The following TAFA4 variants were observed in gnomAD, a reference collection of about 807,000 sequenced individuals.
TAFA4 encodes TAFA chemokine like family member 4.
A neutral mutation model predicts 21.1 loss-of-function variants in TAFA4; 20 were observed. The ratio of observed to expected loss-of-function variants is 0.95; its 90% CI spans 0.67 to 1.38. TAFA4 has a LOEUF of 1.38. TAFA4 is among the 40% of genes most tolerant of loss of function. TAFA4 has a pLI of 0.00. For synonymous variants in TAFA4, 71 were observed against 67.4 expected (o/e 1.05, Z -0.26); for missense variants, 211 against 180.9 (o/e 1.17, Z -0.95).
At chr3:68,926,826 G>A (rs776560337) in intron 1 of TAFA4, among the ~76,000 whole-genome samples, 4 of 152,094 alleles carry the variant, frequency 2.6e-5, no homozygotes, top group East Asian at 1.9e-4. Context: ...TGAGAGAATC[G>A]CTTGAACCTG....
intron 3 of TAFA4, among the ~76,000 whole-genome samples, chr3:68,827,918 G>T (rs1200538603): frequency 6.6e-6 from 1 of 152,136 alleles, no homozygotes; most frequent in Non-Finnish European, 1.5e-5. Context: ...GGCTTTTGTT[G>T]CCATTGCTTT....
intron 3 of TAFA4, among the ~76,000 whole-genome samples, chr3:68,767,637 CAGAA>C (rs1018411489): frequency 7.2e-5 from 11 of 151,874 alleles, no homozygotes; most frequent in African/African-American, 2.7e-4. Context: ...ATTTGGGACA[CAGAA>C]AGATGAGGGA....
chr3:68,753,353 T>TTTTTTTTA (rs1702596907), intron 3 of TAFA4, among the ~76,000 whole-genome samples: 1 of 150,122 alleles, frequency 6.7e-6, no homozygotes, highest in African/African-American at 2.5e-5. Context: ...TTTTTTTTTT[T>TTTTTTTTA]GAGAGAGAAT....
intron 5 of TAFA4, among the ~76,000 whole-genome samples, chr3:68,735,663 C>T (rs1702229241): frequency 6.6e-6 from 1 of 151,954 alleles, no homozygotes; most frequent in Non-Finnish European, 1.5e-5. Context: ...GAGGAAGATA[C>T]TGAAGACAAA....
At chr3:68,929,310 A>G (rs1397212753) in intron 1 of TAFA4, among the ~76,000 whole-genome samples, 1 of 152,244 alleles carries the variant, frequency 6.6e-6, no homozygotes, top group Non-Finnish European at 1.5e-5. Flanking sequence ...TAATGTGGCC[A>G]AGATCGCTTC....
chr3:68,809,043 T>A (rs1280449345), intron 3 of TAFA4, among the ~76,000 whole-genome samples: 1 of 152,196 alleles, frequency 6.6e-6, no homozygotes, highest in Non-Finnish European at 1.5e-5. Flanking sequence ...ATCAAACATG[T>A]CAATGAGGCA....
chr3:68,911,113 T>G, intron 1 of TAFA4, among the ~76,000 whole-genome samples: 1 of 152,238 alleles, frequency 6.6e-6, no homozygotes, highest in East Asian at 1.9e-4. Flanking sequence ...CGGTTCACAT[T>G]CAAACAGCTC....
At chr3:68,886,602 C>T (rs1049402828) in intron 1 of TAFA4, among the ~76,000 whole-genome samples, 12 of 151,898 alleles carry the variant, frequency 7.9e-5, no homozygotes, top group African/African-American at 2.9e-4. Context: ...ATTCTTTTTT[C>T]AATTCATTAA....
intron 3 of TAFA4, among the ~76,000 whole-genome samples, chr3:68,832,246 G>A (rs183905142): frequency 6.6e-6 from 1 of 152,292 alleles, no homozygotes; most frequent in African/African-American, 2.4e-5. Context: ...TGTTCCTTTG[G>A]AGGAAAAGAG....
chr3:68,882,510 C>G (rs574686623), intron 2 of TAFA4, among the ~76,000 whole-genome samples: 1 of 152,282 alleles, frequency 6.6e-6, no homozygotes, highest in East Asian at 1.9e-4. Flanking sequence ...TCCCACTAGT[C>G]AGTACCTTGG....
At chr3:68,819,957 C>G (rs973730727) in intron 3 of TAFA4, among the ~76,000 whole-genome samples, 1 of 152,154 alleles carries the variant, frequency 6.6e-6, no homozygotes, top group Non-Finnish European at 1.5e-5. Flanking sequence ...AATATGAAAC[C>G]AGTATGTCAG....
At position 68,885,280 on chromosome 3, in the gene TAFA4, C is replaced by T. The variant is rs542063194; in HGVS notation, c.-92G>A. 1.5e-5 allele frequency: 19 copies of T among 1,289,658 alleles called. No individual in the cohort carries two copies. The highest frequency in any genetic ancestry group is 8.3e-5 in the South Asian group (6 of 72,004). 79.9% of individuals were successfully genotyped at this position (1,289,658 alleles called of 1,614,324 possible). A position where few individuals can be genotyped will look rare whatever the true frequency, so the allele number is the denominator to read the frequency against. On this transcript the variant is annotated 5_prime_UTR_variant, in exon 2 of 6. Coordinates refer to ENST00000295569, the MANE Select transcript of TAFA4 (RefSeq NM_182522.5). ...TGTTGCTAGAACCAATCATTTCTGC[C>T]GTTCCAAAAAATTATCGTAGCTCAG...
chr3:68,906,920 A>G (rs2089906239), intron 1 of TAFA4, among the ~76,000 whole-genome samples: 1 of 150,030 alleles, frequency 6.7e-6, no homozygotes, highest in Non-Finnish European at 1.5e-5. Context: ...GGTCTCAGTT[A>G]CTTGGGAGGC....
At chr3:68,910,249 C>T (rs1365478523) in intron 1 of TAFA4, among the ~76,000 whole-genome samples, 1 of 152,186 alleles carries the variant, frequency 6.6e-6, no homozygotes, top group Non-Finnish European at 1.5e-5. Context: ...GGTGATTATA[C>T]AAATGTGAGA....
At chr3:68,866,651 TAAAAAAAA>T (rs59878536) in intron 3 of TAFA4, among the ~76,000 whole-genome samples, 1 of 12,396 alleles carries the variant, frequency 8.1e-5, no homozygotes, top group Non-Finnish European at 1.2e-4. Context: ...ATAGCAGTTC[TAAAAAAAA>T]AAAAAAAAAA....
intron 1 of TAFA4, among the ~76,000 whole-genome samples, chr3:68,902,200 T>A (rs2089850865): frequency 6.6e-6 from 1 of 152,188 alleles, no homozygotes; most frequent in African/African-American, 2.4e-5. Flanking sequence ...CAAGGTCAGC[T>A]ACCAAGTGGC....
At chr3:68,847,632 A>G (rs1257031449) in intron 3 of TAFA4, among the ~76,000 whole-genome samples, 1 of 152,228 alleles carries the variant, frequency 6.6e-6, no homozygotes, top group African/African-American at 2.4e-5. Context: ...CCCTGGTGGC[A>G]TAGGCACCCG....
chr3:68,789,808 A>G (rs866835764), intron 3 of TAFA4, among the ~76,000 whole-genome samples: 26 of 152,238 alleles, frequency 1.7e-4, no homozygotes, highest in African/African-American at 4.6e-4. Flanking sequence ...TCAGAAAACA[A>G]AAGAAATGCA....
chr3:68,829,856 A>C (rs372897540), intron 3 of TAFA4, among the ~76,000 whole-genome samples: 1 of 152,106 alleles, frequency 6.6e-6, no homozygotes, highest in Middle Eastern at 3.2e-3. Context: ...TTATTGCCTC[A>C]ATTTCAGAGC....
Sources: gnomAD v4.1 joint callset for allele counts (sites outside exome capture counted in the v4.1 genomes callset) on GRCh38, gnomAD v4.1.1 for gene constraint, MANE v1.5 for transcripts, NCBI Gene and HGNC (gene_info 2026-07-23, HGNC 2026-07-21) for gene names.